JMY: variants seen among roughly 807,000 people sequenced by gnomAD.
The protein encoded by JMY is junction-mediating and -regulatory protein.
JMY carries 46 observed loss-of-function variants against 103.3 expected under a neutral mutation model. The observed-to-expected ratio is 0.45, with a 90% confidence interval of 0.35 to 0.57. JMY has a LOEUF of 0.57. JMY is among the 20% of genes least tolerant of loss of function. JMY has a pLI of 0.00. For missense variants in JMY, 1,238 were observed against 1,255.2 expected, an observed-to-expected ratio of 0.99 and a Z score of 0.21; for synonymous variants, 526 against 489.3, an observed-to-expected ratio of 1.07 and a Z score of -0.99.
chr5:79,273,035 A>G (rs550328845), intron 1 of JMY, among the ~76,000 whole-genome samples: 1 of 152,364 alleles, frequency 6.6e-6, no homozygotes, highest in South Asian at 2.1e-4. Flanking sequence ...GATACATTAT[A>G]AACTTCAGTA....
chr5:79,263,075 CAG>C (rs142429939), intron 1 of JMY, among the ~76,000 whole-genome samples: 4,653 of 152,278 alleles, frequency 0.031, 88 homozygotes, highest in South Asian at 0.062. Context: ...GTAAATGACT[CAG>C]GGGGATTTTA....
At chr5:79,248,133 C>T (rs1339099985) in intron 1 of JMY, among the ~76,000 whole-genome samples, 3 of 151,458 alleles carry the variant, frequency 2.0e-5, no homozygotes, top group African/African-American at 7.3e-5. Flanking sequence ...CCTCATGATC[C>T]GCCCACCTCG....
chr5:79,297,943 T>C (rs558357382), intron 4 of JMY, among the ~76,000 whole-genome samples: 12 of 152,218 alleles, frequency 7.9e-5, no homozygotes, highest in African/African-American at 2.4e-4. Context: ...CTGGTAGCAC[T>C]GCGCTTCTCA....
At chr5:79,296,545 G>A (rs1015517972) in intron 4 of JMY, among the ~76,000 whole-genome samples, 17 of 152,190 alleles carry the variant, frequency 1.1e-4, no homozygotes, top group South Asian at 4.1e-4. Context: ...GCAGTGGCAC[G>A]ATCATAGCTC....
chr5:79,252,247 T>G (rs576543682), intron 1 of JMY, among the ~76,000 whole-genome samples: 2 of 152,300 alleles, frequency 1.3e-5, no homozygotes, highest in Non-Finnish European at 2.9e-5. Context: ...TATTGTTTAA[T>G]TTCCATGTAT....
In JMY at chr5:79,291,258, G is replaced by A. The variant is rs1203948705; in HGVS notation, c.1486G>A (p.Glu496Lys). The change falls in exon 4 of 11, where the codon GAG (glutamate) becomes AAG (lysine). Residue 496 changes from glutamate (E) to lysine (K), a missense_variant. Glu to Lys is a moderately conservative substitution (Grantham distance 56). Transcript: ENST00000396137. Reference protein sequence around the residue: ...KETLQMMRAKEICLEQRKHAL... With the variant: ...KETLQMMRAKKICLEQRKHAL... ...AACTTTGCAGATGATGAGAGCTAAA[G>A]AGATATGCTTGGAACAGCGGAAACA... 6.2e-7 allele frequency: 1 copy of A among 1,611,366 alleles called. No individual in the cohort carries two copies. The highest frequency in any genetic ancestry group is 8.5e-7 in the Non-Finnish European group (1 of 1,179,078).
intron 1 of JMY, among the ~76,000 whole-genome samples, chr5:79,254,001 G>A (rs1212984473): frequency 6.8e-6 from 1 of 147,570 alleles, no homozygotes; most frequent in African/African-American, 2.5e-5. Context: ...AGGCTACAGT[G>A]CAGTGGCTTG....
At chr5:79,263,335 G>A (rs1250400421) in intron 1 of JMY, among the ~76,000 whole-genome samples, 2 of 152,144 alleles carry the variant, frequency 1.3e-5, no homozygotes, top group South Asian at 2.1e-4. Flanking sequence ...GACAGCTGCC[G>A]AGAAGACTCA....
At chr5:79,300,095 AACTC>A (rs1330868283) in intron 4 of JMY, 54 bp from the exon 5 acceptor site, 26 of 1,423,036 alleles carry the variant, frequency 1.8e-5, no homozygotes, top group Middle Eastern at 3.5e-4. Context: ...TTTTAATACT[AACTC>A]AATTTTCTTG....
chr5:79,264,984 C>T (rs1424995190), intron 1 of JMY, among the ~76,000 whole-genome samples: 2 of 152,126 alleles, frequency 1.3e-5, no homozygotes, highest in Admixed American at 6.5e-5. Context: ...GTGAGTGGCA[C>T]GATCTTGGCT....
intron 1 of JMY, among the ~76,000 whole-genome samples, chr5:79,273,876 C>A (rs944980257): frequency 2.6e-5 from 4 of 151,792 alleles, no homozygotes; most frequent in Non-Finnish European, 2.9e-5. Flanking sequence ...TGTTGCCCAT[C>A]CTGGAGTGCA....
rs1292840971 is a variant in JMY, at chr5:79,327,010, C to G, written c.*5408C>G. The G allele has an allele frequency of 6.6e-6, 1 of 152,186 alleles. No homozygotes were observed. Among genetic ancestry groups the G allele is most frequent in the African/African-American group, 2.4e-5 (1 of 41,436 alleles). 9.4% of individuals were successfully genotyped at this position (152,186 alleles called of 1,614,324 possible). A position where few individuals can be genotyped will look rare whatever the true frequency, so the allele number is the denominator to read the frequency against. On this transcript the variant is annotated 3_prime_UTR_variant, in exon 11 of 11. Coordinates refer to ENST00000396137, the MANE Select transcript of JMY (RefSeq NM_152405.5). ...ATCGTTTTGACTGTTGCCTTTTGCTCTTTAGTGCAGCTTTTCTGCATTGTA... is the reference window on the plus strand; with the variant it reads ...ATCGTTTTGACTGTTGCCTTTTGCTGTTTAGTGCAGCTTTTCTGCATTGTA...
chr5:79,303,850 A>G (rs886759748), intron 6 of JMY, among the ~76,000 whole-genome samples: 1 of 116,650 alleles, frequency 8.6e-6, no homozygotes, highest in Non-Finnish European at 1.9e-5. Context: ...GTGGGCAAGG[A>G]GTAGATCTTG....
At chr5:79,273,822 TTTTG>T (rs1398137938) in intron 1 of JMY, among the ~76,000 whole-genome samples, 1 of 152,022 alleles carries the variant, frequency 6.6e-6, no homozygotes, top group Non-Finnish European at 1.5e-5. Context: ...AGGCTTTCTT[TTTTG>T]TTTTTTTTTC....
At chr5:79,290,075 AG>A (rs2112097604) in intron 2 of JMY, 45 bp from the exon 3 acceptor site, 1 of 1,429,254 alleles carries the variant, frequency 7.0e-7, no homozygotes, top group African/African-American at 1.4e-5. Flanking sequence ...AGGAATGAGT[AG>A]AAGAAAGACT....
chr5:79,311,919 C>T (rs774192200), intron 7 of JMY, among the ~76,000 whole-genome samples: 12 of 152,096 alleles, frequency 7.9e-5, no homozygotes, highest in Admixed American at 2.0e-4. Flanking sequence ...CAGGTTCAAG[C>T]GATTCTCCTG....
At chr5:79,250,352 A>G (rs1005698674) in intron 1 of JMY, among the ~76,000 whole-genome samples, 1 of 152,202 alleles carries the variant, frequency 6.6e-6, no homozygotes, top group African/African-American at 2.4e-5. Context: ...TTGACATCAC[A>G]GGACAGGTGG....
At chr5:79,303,830 G>A (rs139906357) in intron 6 of JMY, among the ~76,000 whole-genome samples, 27 of 152,132 alleles carry the variant, frequency 1.8e-4, no homozygotes, top group Non-Finnish European at 2.9e-4. Context: ...TCAGAGTTTC[G>A]AGAAAAGTTG....
At chr5:79,278,530 T>C (rs1195323385) in intron 2 of JMY, among the ~76,000 whole-genome samples, 3 of 130,430 alleles carry the variant, frequency 2.3e-5, no homozygotes, top group Non-Finnish European at 4.6e-5. Context: ...GGCAAGAGGA[T>C]CACTTGAGCT....
Sources: gnomAD v4.1 joint callset for allele counts (sites outside exome capture counted in the v4.1 genomes callset) on GRCh38, gnomAD v4.1.1 for gene constraint, MANE v1.5 for transcripts, NCBI Gene and HGNC (gene_info 2026-07-23, HGNC 2026-07-21) for gene names.